The following LGSN variants were observed in gnomAD, a reference collection of about 807,000 sequenced individuals.
LGSN encodes the protein lengsin, lens protein with glutamine synthetase domain.
LGSN carries 21 observed loss-of-function variants against 19.5 expected under a neutral mutation model. The observed-to-expected ratio is 1.07, with a 90% confidence interval of 0.76 to 1.55. LGSN has a LOEUF of 1.55. Among genes scored for constraint, LGSN ranks in the 40% most tolerant of loss-of-function variants. LGSN has a pLI of 0.00. For synonymous variants in LGSN, 257 were observed against 215.6 expected (o/e 1.19, Z -1.68); for missense variants, 673 against 608.5 (o/e 1.11, Z -1.12).
the LGSN span, among the ~76,000 whole-genome samples, chr6:63,439,097 C>A: frequency 8.6e-5 from 13 of 152,002 alleles, no homozygotes; most frequent in Non-Finnish European, 1.5e-4. Flanking sequence ...AGTAAACTAT[C>A]GCAAGAACAA....
the LGSN span, among the ~76,000 whole-genome samples, chr6:63,328,432 G>A: frequency 6.6e-6 from 1 of 152,286 alleles, no homozygotes; most frequent in East Asian, 1.9e-4. Flanking sequence ...ATCTAAGTAG[G>A]TTGTTGTCTG....
the LGSN span, among the ~76,000 whole-genome samples, chr6:63,477,858 G>T: frequency 6.6e-6 from 1 of 150,878 alleles, no homozygotes; most frequent in South Asian, 2.1e-4. Context: ...CTTTTTGTTT[G>T]CAGAGGAGGA....
chr6:63,466,810 A>G, the LGSN span, among the ~76,000 whole-genome samples: 1 of 152,156 alleles, frequency 6.6e-6, no homozygotes, highest in Non-Finnish European at 1.5e-5. Flanking sequence ...AAGAATTTGG[A>G]GTTCAGACAT....
At chr6:63,429,419 C>T in the LGSN span, among the ~76,000 whole-genome samples, 1 of 152,068 alleles carries the variant, frequency 6.6e-6, no homozygotes, top group Non-Finnish European at 1.5e-5. Context: ...CGAAAGTATA[C>T]AGACTCAAAC....
chr6:63,534,285 G>T, the LGSN span, among the ~76,000 whole-genome samples: 5 of 152,154 alleles, frequency 3.3e-5, no homozygotes, highest in Admixed American at 3.3e-4. Flanking sequence ...AAAGCAATAT[G>T]TTTTTCTACT....
the LGSN span, among the ~76,000 whole-genome samples, chr6:63,409,478 A>G: frequency 1.3e-5 from 2 of 152,214 alleles, no homozygotes; most frequent in East Asian, 3.8e-4. Context: ...CAACCAATTT[A>G]TATTTTGCTA....
At chr6:63,367,264 T>A in the LGSN span, among the ~76,000 whole-genome samples, 1 of 151,868 alleles carries the variant, frequency 6.6e-6, no homozygotes, top group African/African-American at 2.4e-5. Flanking sequence ...AACAACCCCA[T>A]CAAAAAGTGG....
In LGSN at chr6:63,280,911, C is replaced by T. The variant is rs1319737388; in HGVS notation, c.640G>A (p.Gly214Ser). 3.1e-6 allele frequency: 5 copies of T among 1,613,636 alleles called. No homozygotes were observed. In the Admixed American group the frequency reaches 8.3e-5, roughly 27 times the overall value. ...TTTGAATTTAAAATTTCGGGCACAC[C>T]AAAAATGCAAAAATCATAGATGAAA... Reference protein sequence around the residue: ...SAFIYDFCIFGVPEILNSKII... With the variant: ...SAFIYDFCIFSVPEILNSKII... The change falls in exon 4 of 4, where the codon GGT becomes AGT. Residue 214 changes from glycine to serine, a missense_variant. Transcript: ENST00000370657.
At chr6:63,470,153 AAGGC>A in the LGSN span, among the ~76,000 whole-genome samples, 4 of 151,932 alleles carry the variant, frequency 2.6e-5, no homozygotes, top group East Asian at 3.9e-4. Flanking sequence ...GGAAGGAAGG[AAGGC>A]AGGCAGGCAG....
chr6:63,505,981 T>G, the LGSN span, among the ~76,000 whole-genome samples: 1 of 152,126 alleles, frequency 6.6e-6, no homozygotes, highest in Non-Finnish European at 1.5e-5. Flanking sequence ...ACACAGGGTA[T>G]CTTCGAAGTC....
At chr6:63,509,357 G>C in the LGSN span, among the ~76,000 whole-genome samples, 2 of 148,158 alleles carry the variant, frequency 1.3e-5, no homozygotes, top group African/African-American at 2.6e-5. Context: ...GAGCCACCAC[G>C]CCTGGCCAAA....
chr6:63,373,572 A>T, the LGSN span, among the ~76,000 whole-genome samples: 1 of 152,198 alleles, frequency 6.6e-6, no homozygotes, highest in Non-Finnish European at 1.5e-5. Context: ...TAGGTCATAA[A>T]AGAGAAGGAA....
chr6:63,326,477 G>A, the LGSN span, among the ~76,000 whole-genome samples: 4 of 152,338 alleles, frequency 2.6e-5, no homozygotes, highest in East Asian at 1.9e-4. Flanking sequence ...GTGGTCGATG[G>A]GACTGGGCAC....
the LGSN span, chr6:63,572,501 C>A: frequency 7.7e-6 from 3 of 390,480 alleles, no homozygotes; most frequent in East Asian, 7.3e-5. Context: ...TGTATTGGCT[C>A]CTTCGGCTGC....
At chr6:63,348,768 T>TAA in the LGSN span, among the ~76,000 whole-genome samples, 1 of 151,324 alleles carries the variant, frequency 6.6e-6, no homozygotes, top group African/African-American at 2.4e-5. Context: ...TTTGCTTTTT[T>TAA]AAAATAGAGG....
At chr6:63,444,907 G>C in the LGSN span, among the ~76,000 whole-genome samples, 3 of 152,218 alleles carry the variant, frequency 2.0e-5, no homozygotes, top group African/African-American at 7.2e-5. Context: ...CGAAAGGCTG[G>C]AAGGAGGGAA....
the LGSN span, among the ~76,000 whole-genome samples, chr6:63,404,874 A>ATAC: frequency 6.6e-6 from 1 of 152,018 alleles, no homozygotes; most frequent in African/African-American, 2.4e-5. Flanking sequence ...TTACATATGT[A>ATAC]TACATGTGCC....
intron 2 of LGSN, among the ~76,000 whole-genome samples, chr6:63,292,618 G>A (rs1450403877): frequency 6.6e-6 from 1 of 152,150 alleles, no homozygotes; most frequent in Non-Finnish European, 1.5e-5. Flanking sequence ...TAAAGACTCT[G>A]GACACCAAGA....
chr6:63,314,508 TA>T (rs1768766903), intron 1 of LGSN, among the ~76,000 whole-genome samples: 1 of 152,074 alleles, frequency 6.6e-6, no homozygotes, highest in African/African-American at 2.4e-5. Flanking sequence ...AGAGGACTAT[TA>T]GGAGGAGAAA....
Sources: gnomAD v4.1 joint callset for allele counts (sites outside exome capture counted in the v4.1 genomes callset) on GRCh38, gnomAD v4.1.1 for gene constraint, MANE v1.5 for transcripts, NCBI Gene and HGNC (gene_info 2026-07-23, HGNC 2026-07-21) for gene names.